Variants in TRPV6 observed in about 807,000 individuals in gnomAD.
The protein encoded by TRPV6 is transient receptor potential cation channel subfamily V member 6, also known as Alu-binding protein with zinc finger domain.
A neutral mutation model predicts 79.0 loss-of-function variants in TRPV6; 39 were observed. That is an observed-to-expected ratio of 0.49 (90% CI 0.38 to 0.64). The LOEUF is 0.64. Among genes scored for constraint, TRPV6 ranks in the 30% least tolerant of loss-of-function variants. TRPV6 has a pLI of 0.00. For missense variants in TRPV6, 813 were observed against 1,011.1 expected, an observed-to-expected ratio of 0.80 and a Z score of 2.66; for synonymous variants, 373 against 391.9, an observed-to-expected ratio of 0.95 and a Z score of 0.57.
chr7:142,882,982 C>T (rs1795223892), intron 1 of TRPV6: 1 of 152,114 alleles, frequency 6.6e-6, no homozygotes, highest in East Asian at 1.9e-4. Flanking sequence ...ACACTTCCCC[C>T]TCTATGCTTC....
intron 1 of TRPV6, chr7:142,881,203 AG>A (rs1424711417): frequency 2.6e-5 from 4 of 152,202 alleles, no homozygotes; most frequent in African/African-American, 9.7e-5. Flanking sequence ...ACCTACTCAA[AG>A]ATTCCTGTGC....
At chr7:142,878,750 C>T (rs1795134669) in intron 1 of TRPV6, 1 of 152,240 alleles carries the variant, frequency 6.6e-6, no homozygotes, top group Non-Finnish European at 1.5e-5. Flanking sequence ...CGTCTTTCTT[C>T]TCACATCATC....
At position 142,871,584 on chromosome 7, in the gene TRPV6, A is replaced by G. The variant is rs778453794; in HGVS notation, c.*123T>C. On this transcript the variant is annotated 3_prime_UTR_variant, in exon 15 of 15. Coordinates refer to ENST00000359396, the MANE Select transcript of TRPV6 (RefSeq NM_018646.6). ...TCTCAACGTACATTCCTTGGCGTTC[A>G]TGCTACTCCTCTTTCTCCCCTGGGG... 38 of 1,199,892 alleles carry G rather than the reference A, an allele frequency of 3.2e-5. No homozygotes were observed. The highest frequency in any genetic ancestry group is 4.3e-5 in the Non-Finnish European group (37 of 856,028). The allele number at this position is 1,199,892 out of a possible 1,614,324, so 74.3% of individuals were successfully genotyped here.
At position 142,873,118 on chromosome 7, in the gene TRPV6, T is replaced by G. The variant is rs1482338267; in HGVS notation, c.1908+330A>C. Among the ~76,000 whole-genome samples, 2 of 152,246 alleles carry G rather than the reference T, an allele frequency of 1.3e-5. No individual in the cohort carries two copies. The highest frequency in any genetic ancestry group is 2.9e-5 in the Non-Finnish European group (2 of 68,042). On this transcript the variant is annotated intron_variant, in intron 13 of 14. Transcript: ENST00000359396. This position sits in a 1 kb window ranked among gnomAD's most constrained non-coding sequence, Gnocchi z 4.8. ...CAGACTTAAATATTATCAAGAAGAC[T>G]TGATACTCCAGTTTTTATTTGGGAA...
intron 3 of TRPV6, 69 bp downstream of exon 3, chr7:142,877,582 T>C (rs1359985290): frequency 3.2e-6 from 5 of 1,575,452 alleles, no homozygotes; most frequent in Non-Finnish European, 4.3e-6. Context: ...AAATTATCCA[T>C]CACAGAGACT....
At chr7:142,874,747 A>G in intron 10 of TRPV6, 91 bp from the exon 11 acceptor site, 2 of 1,561,930 alleles carry the variant, frequency 1.3e-6, no homozygotes, top group Non-Finnish European at 1.7e-6. Context: ...GTACCCACAC[A>G]TGCAGATTCA....
rs375745559 is a variant in TRPV6, at chr7:142,875,623, G to A, written c.1087C>T (p.Arg363Trp). The A allele has an allele frequency of 8.1e-6, 13 of 1,613,648 alleles. No individual in the cohort carries two copies. Among genetic ancestry groups the A allele is most frequent in the African/African-American group, 6.7e-5 (5 of 74,834 alleles). The change falls in exon 8 of 15, where the codon CGG (arginine) becomes TGG (tryptophan). Residue 363 changes from arginine to tryptophan, a missense_variant. Around this residue, in one of 3 missense-constraint regions of TRPV6, gnomAD observed 555 missense variants for 631.0 expected, o/e 0.88. Transcript: ENST00000359396. ...ATGCAGAAGTACGGCCGCCCGTACCGCTTCCACTTGAGGCTCACCAGCTCC... is the reference window on the plus strand; with the variant it reads ...ATGCAGAAGTACGGCCGCCCGTACCACTTCCACTTGAGGCTCACCAGCTCC...
intron 1 of TRPV6, 153 bp downstream of exon 1, chr7:142,885,236 T>C: frequency 1.2e-6 from 1 of 856,764 alleles, no homozygotes; most frequent in East Asian, 2.7e-5. Context: ...CTGAGGCTCT[T>C]AAGACAGAAT....
intron 6 of TRPV6, chr7:142,876,151 G>T: frequency 2.9e-6 from 2 of 683,208 alleles, no homozygotes; most frequent in Non-Finnish European, 2.4e-6. Context: ...TGCTCTGGGG[G>T]CTGAAAGGGA....
At chr7:142,872,952 T>C (rs1424310093) in intron 13 of TRPV6, among the ~76,000 whole-genome samples, 1 of 152,226 alleles carries the variant, frequency 6.6e-6, no homozygotes, top group African/African-American at 2.4e-5. Flanking sequence ...ATTTTCTAGG[T>C]GTTTTTTAAA....
intron 1 of TRPV6, chr7:142,882,926 C>T (rs1470828183): frequency 2.0e-5 from 3 of 152,126 alleles, no homozygotes; most frequent in African/African-American, 7.2e-5. Context: ...TAAGCAGCCT[C>T]TATGAAGCTG....
chr7:142,873,302 T>C lies in TRPV6; in HGVS notation c.1908+146A>G. 2 of 1,109,198 alleles carry C rather than the reference T, an allele frequency of 1.8e-6. No homozygotes were observed. Among genetic ancestry groups the C allele is most frequent in the Non-Finnish European group, 2.6e-6 (2 of 763,620 alleles). The allele number at this position is 1,109,198 out of a possible 1,614,324, so 68.7% of individuals were successfully genotyped here. A position where few individuals can be genotyped will look rare whatever the true frequency, so the allele number is the denominator to read the frequency against. On this transcript the variant is annotated intron_variant, in intron 13 of 14. Coordinates refer to ENST00000359396, the MANE Select transcript of TRPV6 (RefSeq NM_018646.6). The surrounding 1 kb of genome is among the most constrained non-coding windows in gnomAD (Gnocchi z 4.8). ...GCCTGGTTGAATTGCTAATCAGTGC[T>C]TCTGTACATTTTGCATGATTTTGCT...
rs4987663 is a variant in TRPV6 at position 142,875,618 on chromosome 7, G to A, written c.1092C>T (p.Tyr364=). ...CCAGCATGCAGAAGTACGGCCGCCC[G>A]TACCGCTTCCACTTGAGGCTCACCA... Residue 364 remains tyrosine (Y), a synonymous_variant, in exon 8 of 15, where the codon TAC becomes TAT. Transcript: ENST00000359396. 4,076 of 1,613,742 alleles carry A rather than the reference G, an allele frequency of 2.5e-3. 96 individuals carry two copies. In the African/African-American group the frequency reaches 0.048, roughly 19 times the overall value.
Position 142,877,203 on chromosome 7 carries a change from A to G in TRPV6, c.546T>C (p.Ser182=), listed in dbSNP as rs1264682910. 1 of 1,614,152 alleles carries G rather than the reference A, an allele frequency of 6.2e-7. No individual in the cohort carries two copies. Among genetic ancestry groups the G allele is most frequent in the East Asian group, 2.2e-5 (1 of 44,876 alleles). Reference sequence around the variant, plus strand: ...CAGTGCCTGTGGCTCTGGCAGAGACACTGGCCCTGCGGGCAAGCAGGGCTC... The same window carrying G: ...CAGTGCCTGTGGCTCTGGCAGAGACGCTGGCCCTGCGGGCAAGCAGGGCTC... The change falls in exon 4 of 15, where the codon AGT becomes AGC. Residue 182 remains serine (S), a synonymous_variant. Coordinates refer to ENST00000359396, the MANE Select transcript of TRPV6 (RefSeq NM_018646.6).
At chr7:142,882,621 G>C (rs1795216879) in intron 1 of TRPV6, 2 of 152,198 alleles carry the variant, frequency 1.3e-5, no homozygotes, top group Non-Finnish European at 2.9e-5. Flanking sequence ...CAATGGGGAT[G>C]AGAAAGCCAA....
Position 142,873,945 on chromosome 7 carries a change from C to T in TRPV6, c.1639+131G>A. 8.5e-7 allele frequency: 1 copy of T among 1,177,800 alleles called. No individual in the cohort carries two copies. Among genetic ancestry groups the T allele is most frequent in the Middle Eastern group, 2.3e-4 (1 of 4,268 alleles). The allele number at this position is 1,177,800 out of a possible 1,614,324, so 73.0% of individuals were successfully genotyped here. ...TTTTTCTCACCTCTGGAGGACGTCC[C>T]ATCCTCTGATACCATAGGTCTCCTC... On this transcript the variant is annotated intron_variant, in intron 12 of 14. Transcript: ENST00000359396. This position sits in a 1 kb window ranked among gnomAD's most constrained non-coding sequence, Gnocchi z 4.8.
Position 142,874,527 on chromosome 7 carries a change from G to A in TRPV6, c.1536C>T (p.Phe512=), listed in dbSNP as rs748912075. Residue 512 remains phenylalanine, a synonymous_variant, in exon 11 of 15, where the codon TTC becomes TTT. Coordinates refer to ENST00000359396, the MANE Select transcript of TRPV6 (RefSeq NM_018646.6). ...TGATGGTGAAGGGGCCTAGCATCTGGAATCCTCGGGCGAAGTACATGACGT... is the reference window on the plus strand; with the variant it reads ...TGATGGTGAAGGGGCCTAGCATCTGAAATCCTCGGGCGAAGTACATGACGT... 1.9e-6 allele frequency: 3 copies of A among 1,613,936 alleles called. No homozygotes were observed. Among genetic ancestry groups the A allele is most frequent in the South Asian group, 2.2e-5 (2 of 91,066 alleles).
chr7:142,872,416 C>G lies in TRPV6; in HGVS notation c.1971G>C (p.Gly657=). 6.2e-7 allele frequency: 1 copy of G among 1,614,258 alleles called. No homozygotes were observed. The highest frequency in any genetic ancestry group is 8.5e-7 in the Non-Finnish European group (1 of 1,180,048). The change falls in exon 14 of 15, where the codon GGG becomes GGC. Residue 657 remains glycine, a synonymous_variant. Coordinates refer to ENST00000359396, the MANE Select transcript of TRPV6 (RefSeq NM_018646.6). ...CCAGGCCATACTCCCGTCCGCAGAT[C>G]CCGGAGCGAGGCCACAGGCAGCGAG... is the stretch of plus-strand genomic sequence containing the variant.
At chr7:142,879,395 C>T (rs1477235948) in intron 1 of TRPV6, 1 of 152,182 alleles carries the variant, frequency 6.6e-6, no homozygotes, top group African/African-American at 2.4e-5. Context: ...AGAACTTACC[C>T]CAACTAAGAC....
Sources: allele counts gnomAD v4.1 joint callset (sites outside exome capture counted in the v4.1 genomes callset), GRCh38; gene constraint gnomAD v4.1.1; regional missense constraint gnomAD v4.1.1; non-coding constraint Gnocchi (gnomAD v3.1); transcripts MANE v1.5; gene names NCBI Gene and HGNC (gene_info 2026-07-23, HGNC 2026-07-21).